Variants in UBE2N observed in about 807,000 individuals in gnomAD.
The protein encoded by UBE2N is ubiquitin conjugating enzyme E2 N.
For synonymous variants in UBE2N, 70 were observed against 69.2 expected (o/e 1.01, Z -0.06); for missense variants, 60 against 192.1 (o/e 0.31, Z 4.07).
intron 1 of UBE2N, among the ~76,000 whole-genome samples, chr12:93,425,712 A>G (rs188693810): frequency 6.6e-6 from 1 of 152,290 alleles, no homozygotes; most frequent in Non-Finnish European, 1.5e-5. Context: ...ATGCAGAAAA[A>G]AAGACTTGCA....
chr12:93,410,251 C>T, intron 3 of UBE2N, 172 bp from the exon 4 acceptor site: 1 of 582,392 alleles, frequency 1.7e-6, no homozygotes, highest in East Asian at 3.2e-5. Context: ...TGTAAATGTC[C>T]AATTACCAAA....
chr12:93,410,166 A>G, intron 3 of UBE2N, 87 bp from the exon 4 acceptor site: 1 of 1,265,720 alleles, frequency 7.9e-7, no homozygotes, highest in Non-Finnish European at 1.1e-6. Flanking sequence ...AACCACTATT[A>G]ATTATGGAAA....
chr12:93,436,104 T>C (rs1459202799), intron 1 of UBE2N, among the ~76,000 whole-genome samples: 1 of 152,148 alleles, frequency 6.6e-6, no homozygotes, highest in East Asian at 1.9e-4. Flanking sequence ...TTCATTATTA[T>C]CATTATTACT....
At chr12:93,410,101 C>A (rs374569242) in intron 3 of UBE2N, 22 bp from the exon 4 acceptor site, 1 of 1,609,400 alleles carries the variant, frequency 6.2e-7, no homozygotes, top group Non-Finnish European at 8.5e-7. Context: ...AACAAACATA[C>A]GATTATTATT....
At chr12:93,415,675 G>A (rs997951437) in intron 1 of UBE2N, among the ~76,000 whole-genome samples, 2 of 152,032 alleles carry the variant, frequency 1.3e-5, no homozygotes, top group African/African-American at 4.8e-5. Flanking sequence ...TGAATTCTGG[G>A]CTCTCCTCAC....
intron 1 of UBE2N, chr12:93,424,287 G>A (rs1878508413): frequency 6.6e-6 from 1 of 152,014 alleles, no homozygotes; most frequent in South Asian, 2.1e-4. Context: ...TTTTTCTTCA[G>A]GTTACTTCTG....
intron 1 of UBE2N, among the ~76,000 whole-genome samples, chr12:93,420,142 G>A (rs538141851): frequency 1.1e-4 from 16 of 152,284 alleles, no homozygotes; most frequent in South Asian, 6.2e-4. Context: ...AAGATTCTGC[G>A]TACCAAAGAC....
chr12:93,434,050 T>C (rs1301160825), intron 1 of UBE2N, among the ~76,000 whole-genome samples: 1 of 152,186 alleles, frequency 6.6e-6, no homozygotes, highest in South Asian at 2.1e-4. Flanking sequence ...CCCAGCACTT[T>C]AGGAGGCCGA....
chr12:93,429,408 A>C, intron 1 of UBE2N: 1 of 379,910 alleles, frequency 2.6e-6, no homozygotes, highest in Non-Finnish European at 5.1e-6. Context: ...GGTACTTTAA[A>C]TACAGTCATG....
chr12:93,412,956 A>C (rs1359330031), intron 1 of UBE2N, among the ~76,000 whole-genome samples: 1 of 152,222 alleles, frequency 6.6e-6, no homozygotes, highest in African/African-American at 2.4e-5. Context: ...GTCTTCGAAT[A>C]AATTTTGCTT....
intron 1 of UBE2N, among the ~76,000 whole-genome samples, chr12:93,412,693 G>A (rs1247775302): frequency 6.6e-6 from 1 of 152,116 alleles, no homozygotes; most frequent in African/African-American, 2.4e-5. Flanking sequence ...TGTCCTGACT[G>A]GCTAGCAACT....
At chr12:93,421,983 T>A (rs1379000271) in intron 1 of UBE2N, among the ~76,000 whole-genome samples, 2 of 152,234 alleles carry the variant, frequency 1.3e-5, no homozygotes, top group Non-Finnish European at 2.9e-5. Flanking sequence ...TAGGATACTA[T>A]TAATATATGA....
At chr12:93,414,931 T>A (rs74543391) in intron 1 of UBE2N, among the ~76,000 whole-genome samples, 1 of 152,208 alleles carries the variant, frequency 6.6e-6, no homozygotes, top group African/African-American at 2.4e-5. Flanking sequence ...CCTGGCACAA[T>A]AGATATTCAA....
chr12:93,435,531 C>T (rs1699588245), intron 1 of UBE2N, among the ~76,000 whole-genome samples: 1 of 152,062 alleles, frequency 6.6e-6, no homozygotes, highest in Non-Finnish European at 1.5e-5. Flanking sequence ...GTGGCTGAGG[C>T]AGGAGAACTG....
At chr12:93,414,108 C>T (rs1751772405) in intron 1 of UBE2N, among the ~76,000 whole-genome samples, 1 of 151,438 alleles carries the variant, frequency 6.6e-6, no homozygotes, top group African/African-American at 2.4e-5. Context: ...TTGCAGTGAG[C>T]TGAGATCGTG....
At position 93,407,850 on chromosome 12, in the gene UBE2N, G is replaced by A. The variant is rs1028291309; in HGVS notation, c.*2189C>T. 6.6e-6 allele frequency: 1 copy of A among 152,160 alleles called. No homozygotes were observed. Among genetic ancestry groups the A allele is most frequent in the African/African-American group, 2.4e-5 (1 of 41,432 alleles). The allele number at this position is 152,160 out of a possible 1,614,324, so 9.4% of individuals were successfully genotyped here. On this transcript the variant is annotated 3_prime_UTR_variant, in exon 4 of 4. Transcript: ENST00000318066. ...AGGCTCAGTCAACACACTGGCACTC[G>A]TTTCATCCCACTGGTTGAGAAAGCA...
At chr12:93,413,453 C>T (rs574998838) in intron 1 of UBE2N, among the ~76,000 whole-genome samples, 7 of 152,190 alleles carry the variant, frequency 4.6e-5, no homozygotes, top group Non-Finnish European at 7.4e-5. Flanking sequence ...TCCCCTAATT[C>T]ATATCTAGCC....
In UBE2N at chr12:93,407,522, A is replaced by G. The variant is rs1877884607; in HGVS notation, c.*2517T>C. ...CTCGGAGGGGACTCTAGCCAACTGGAGAGTAACTGGTGAGAAGACAATGAC... is the reference window on the plus strand; with the variant it reads ...CTCGGAGGGGACTCTAGCCAACTGGGGAGTAACTGGTGAGAAGACAATGAC... On this transcript the variant is annotated 3_prime_UTR_variant, in exon 4 of 4. Coordinates refer to ENST00000318066, the MANE Select transcript of UBE2N (RefSeq NM_003348.4). 6.6e-6 allele frequency: 1 copy of G among 152,246 alleles called. No homozygotes were observed. The highest frequency in any genetic ancestry group is 1.5e-5 in the Non-Finnish European group (1 of 68,058). 9.4% of individuals were successfully genotyped at this position (152,246 alleles called of 1,614,324 possible).
chr12:93,424,052 G>T (rs944826857), intron 1 of UBE2N, among the ~76,000 whole-genome samples: 1 of 152,062 alleles, frequency 6.6e-6, no homozygotes, highest in Admixed American at 6.5e-5. Context: ...ATTCTAGAAT[G>T]TTTTTTGTTG....
Sources: gnomAD v4.1 joint callset for allele counts (sites outside exome capture counted in the v4.1 genomes callset) on GRCh38, gnomAD v4.1.1 for gene constraint, MANE v1.5 for transcripts, NCBI Gene and HGNC (gene_info 2026-07-23, HGNC 2026-07-21) for gene names.